Variants in HDAC8 observed in about 807,000 individuals in gnomAD.
HDAC8 encodes the protein histone deacetylase-like 1.
In HDAC8, 1 loss-of-function variant was observed where a neutral mutation model predicts 32.2. The observed-to-expected ratio is 0.03, with a 90% CI of 0.01 to 0.15. The LOEUF is 0.15. Ranked by LOEUF, HDAC8 falls within the 10% of genes least tolerant of loss-of-function variation. HDAC8 has a pLI of 1.00. For missense variants in HDAC8, 117 were observed against 300.0 expected, an observed-to-expected ratio of 0.39 and a Z score of 4.51; for synonymous variants, 108 against 113.9, an observed-to-expected ratio of 0.95 and a Z score of 0.33.
At chrX:72,415,967 C>G (rs986395983) in intron 9 of HDAC8, among the ~76,000 whole-genome samples, 5 of 111,454 alleles carry the variant, frequency 4.5e-5, no homozygotes, top group Middle Eastern at 4.2e-3. Context: ...GATGTCAAAG[C>G]TGAGAGCAGA....
At chrX:72,559,758 C>T (rs782689932) in intron 4 of HDAC8, among the ~76,000 whole-genome samples, 51 of 109,382 alleles carry the variant, frequency 4.7e-4, no homozygotes, top group Admixed American at 1.4e-3. Context: ...TCTGCCCGGC[C>T]GCCCCGTCTG....
intron 9 of HDAC8, among the ~76,000 whole-genome samples, chrX:72,413,550 G>A (rs2046258171): frequency 9.0e-6 from 1 of 110,839 alleles, no homozygotes; most frequent in African/African-American, 3.3e-5. Context: ...TGGTTTGGCT[G>A]TGTCTCCACC....
chrX:72,395,350 C>T (rs1046658397), intron 9 of HDAC8, among the ~76,000 whole-genome samples: 2 of 111,720 alleles, frequency 1.8e-5, no homozygotes, highest in South Asian at 3.8e-4. Context: ...TGCTGCTCAG[C>T]ACCCCTGGCC....
At chrX:72,544,129 A>G (rs896951307) in intron 4 of HDAC8, among the ~76,000 whole-genome samples, 3 of 112,238 alleles carry the variant, frequency 2.7e-5, no homozygotes, top group African/African-American at 9.7e-5. Context: ...GTTTGAGCTC[A>G]TGACCACAAG....
intron 5 of HDAC8, among the ~76,000 whole-genome samples, chrX:72,494,499 A>G (rs2048963185): frequency 9.0e-6 from 1 of 111,525 alleles, no homozygotes; most frequent in Non-Finnish European, 1.9e-5. Context: ...AGGATTGCTT[A>G]AAGAAACAGA....
intron 4 of HDAC8, among the ~76,000 whole-genome samples, chrX:72,546,051 C>T (rs1213477594): frequency 1.8e-5 from 2 of 111,818 alleles, no homozygotes; most frequent in African/African-American, 3.3e-5. Flanking sequence ...ACCATTTACT[C>T]TCTCTGAGGC....
At chrX:72,560,114 A>G (rs782772432) in intron 4 of HDAC8, among the ~76,000 whole-genome samples, 1 of 112,679 alleles carries the variant, frequency 8.9e-6, no homozygotes, top group Non-Finnish European at 1.9e-5. Flanking sequence ...GGTTTTGTCG[A>G]CTAGAAAAGG....
chrX:72,561,947 G>A (rs782594048), intron 4 of HDAC8, among the ~76,000 whole-genome samples: 2 of 111,881 alleles, frequency 1.8e-5, no homozygotes, highest in African/African-American at 3.2e-5. Flanking sequence ...CATCACTAGC[G>A]ATCAGGAAAA....
intron 9 of HDAC8, among the ~76,000 whole-genome samples, chrX:72,383,667 G>A (rs2045330889): frequency 9.1e-6 from 1 of 110,168 alleles, no homozygotes; most frequent in African/African-American, 3.3e-5. Flanking sequence ...TCAGGAGATC[G>A]AGACCACCCT....
chrX:72,510,372 T>C (rs2049539985), intron 4 of HDAC8, among the ~76,000 whole-genome samples: 1 of 111,847 alleles, frequency 8.9e-6, no homozygotes, highest in South Asian at 3.8e-4. Context: ...TCTACACCAT[T>C]TGGCACGATA....
intron 7 of HDAC8, among the ~76,000 whole-genome samples, chrX:72,485,574 A>G (rs1556005309): frequency 9.1e-6 from 1 of 110,454 alleles, no homozygotes; most frequent in Non-Finnish European, 1.9e-5. Context: ...GAAAGGGAGG[A>G]AGGGAAGAAC....
At chrX:72,401,019 A>C (rs1317100101) in intron 9 of HDAC8, among the ~76,000 whole-genome samples, 1 of 112,433 alleles carries the variant, frequency 8.9e-6, no homozygotes. Context: ...CCTTTTAGCT[A>C]ATATGAACAA....
At chrX:72,559,241 C>T (rs1371419574) in intron 4 of HDAC8, among the ~76,000 whole-genome samples, 3 of 107,313 alleles carry the variant, frequency 2.8e-5, no homozygotes, top group African/African-American at 6.8e-5. Context: ...GACTGGTTTT[C>T]GTACTTTTTT....
chrX:72,533,269 G>A (rs1348078402), intron 4 of HDAC8, among the ~76,000 whole-genome samples: 1 of 111,726 alleles, frequency 9.0e-6, no homozygotes, highest in Non-Finnish European at 1.9e-5. Flanking sequence ...TAGCTTTATG[G>A]TAAGTTTTGA....
chrX:72,418,936 A>T (rs1555972676), intron 9 of HDAC8, among the ~76,000 whole-genome samples: 1 of 111,491 alleles, frequency 9.0e-6, no homozygotes, highest in East Asian at 2.8e-4. Context: ...TCAAAAAACA[A>T]TTGGTTATAG....
chrX:72,342,260 G>A (rs2043907110), intron 10 of HDAC8, among the ~76,000 whole-genome samples: 2 of 112,635 alleles, frequency 1.8e-5, no homozygotes, highest in Non-Finnish European at 1.9e-5. Flanking sequence ...ATGGCTTGGG[G>A]AAGTCCCTGT....
chrX:72,571,115 G>A (rs908741992), intron 2 of HDAC8, among the ~76,000 whole-genome samples: 4 of 110,453 alleles, frequency 3.6e-5, no homozygotes, highest in Non-Finnish European at 7.6e-5. Flanking sequence ...TAGTAGAGAC[G>A]GGGTTTCACC....
intron 4 of HDAC8, among the ~76,000 whole-genome samples, chrX:72,498,705 T>C (rs2049111810): frequency 1.8e-5 from 2 of 112,130 alleles, no homozygotes; most frequent in African/African-American, 6.5e-5. Context: ...GATGATATAT[T>C]ATGTCAGGAT....
At chrX:72,446,173 T>A (rs781982677) in intron 9 of HDAC8, among the ~76,000 whole-genome samples, 4 of 112,229 alleles carry the variant, frequency 3.6e-5, no homozygotes, top group African/African-American at 1.3e-4. Context: ...GACCCAGCCA[T>A]CCCATTACTG....
Sources: gnomAD v4.1 joint callset for allele counts (sites outside exome capture counted in the v4.1 genomes callset) on GRCh38, gnomAD v4.1.1 for gene constraint, MANE v1.5 for transcripts, NCBI Gene and HGNC (gene_info 2026-07-23, HGNC 2026-07-21) for gene names.